The following SCGN variants were observed in gnomAD, a reference collection of about 807,000 sequenced individuals.
SCGN encodes secretagogin.
In SCGN, 30 loss-of-function variants were observed where a neutral mutation model predicts 39.7. The observed-to-expected ratio is 0.76, with a 90% CI of 0.57 to 1.03. The LOEUF (loss-of-function observed/expected upper bound fraction) is 1.03. Ranked by LOEUF, SCGN falls within the 50% of genes least tolerant of loss-of-function variation. The probability of loss-of-function intolerance (pLI) is 0.00; values close to 1 mark genes in which losing one functional copy is unlikely to be tolerated. For missense variants in SCGN, 353 were observed against 349.4 expected (o/e 1.01, Z -0.08); for synonymous variants, 106 against 114.1 (o/e 0.93, Z 0.45).
intron 5 of SCGN, 108 bp downstream of exon 5, chr6:25,669,675 G>T: frequency 2.2e-6 from 2 of 919,704 alleles, no homozygotes; most frequent in South Asian, 2.8e-5. Context: ...TTGAATATGT[G>T]ACTCAAAAAA....
At chr6:25,654,533 C>G (rs920274577) in intron 2 of SCGN, among the ~76,000 whole-genome samples, 1 of 152,090 alleles carries the variant, frequency 6.6e-6, no homozygotes. Flanking sequence ...TTGCCTTTCT[C>G]TCTGACCTCT....
intron 6 of SCGN, among the ~76,000 whole-genome samples, chr6:25,675,554 C>T (rs966863420): frequency 3.9e-5 from 6 of 152,224 alleles, no homozygotes; most frequent in Admixed American, 6.5e-5. Context: ...GGACGTGAGT[C>T]GGCTGGCCTG....
At chr6:25,665,747 A>C (rs1025139408) in intron 4 of SCGN, among the ~76,000 whole-genome samples, 1 of 152,246 alleles carries the variant, frequency 6.6e-6, no homozygotes, top group Non-Finnish European at 1.5e-5. Flanking sequence ...TTAGGAGATA[A>C]AAAGTTTTGC....
chr6:25,668,868 T>C (rs1759442176), intron 4 of SCGN, among the ~76,000 whole-genome samples: 1 of 152,140 alleles, frequency 6.6e-6, no homozygotes, highest in South Asian at 2.1e-4. Context: ...TCCCAGCACT[T>C]TGGGAGGCCG....
intron 2 of SCGN, among the ~76,000 whole-genome samples, chr6:25,657,940 T>A (rs1760256435): frequency 1.3e-5 from 2 of 149,936 alleles, no homozygotes; most frequent in African/African-American, 4.9e-5. Context: ...ATGCTTTGGT[T>A]CCAAATCACT....
intron 6 of SCGN, among the ~76,000 whole-genome samples, chr6:25,671,582 G>C (rs1007026278): frequency 6.6e-6 from 1 of 152,208 alleles, no homozygotes; most frequent in African/African-American, 2.4e-5. Context: ...GTGTTGATTT[G>C]TTTTAATAGC....
intron 2 of SCGN, among the ~76,000 whole-genome samples, chr6:25,656,432 C>T (rs1262055857): frequency 1.3e-5 from 2 of 152,174 alleles, no homozygotes; most frequent in Non-Finnish European, 2.9e-5. Flanking sequence ...CTTGTAATTA[C>T]CTATTCCTCA....
intron 7 of SCGN, among the ~76,000 whole-genome samples, chr6:25,684,737 G>T (rs1759681866): frequency 6.6e-6 from 1 of 152,142 alleles, no homozygotes; most frequent in Non-Finnish European, 1.5e-5. Flanking sequence ...TTGAACTCAG[G>T]AGGCAGAGTT....
chr6:25,673,452 C>A (rs576767736), intron 6 of SCGN, among the ~76,000 whole-genome samples: 1 of 152,322 alleles, frequency 6.6e-6, no homozygotes, highest in Admixed American at 6.5e-5. Context: ...ATTAAAGAAG[C>A]TTCAGGCTGG....
chr6:25,693,237 G>A (rs184006388), intron 10 of SCGN, among the ~76,000 whole-genome samples: 12 of 152,092 alleles, frequency 7.9e-5, no homozygotes, highest in African/African-American at 2.7e-4. Flanking sequence ...GGATCACGAG[G>A]TCAGGAGATC....
chr6:25,659,049 T>C (rs1456546785), intron 2 of SCGN, among the ~76,000 whole-genome samples: 1 of 152,220 alleles, frequency 6.6e-6, no homozygotes, highest in African/African-American at 2.4e-5. Flanking sequence ...ACATTTGCTA[T>C]GCACCCACCT....
chr6:25,653,568 A>T, intron 2 of SCGN, 116 bp downstream of exon 2: 1 of 732,160 alleles, frequency 1.4e-6, no homozygotes, highest in East Asian at 2.7e-5. Flanking sequence ...CCTTGCATGT[A>T]TGTAATTTCT....
chr6:25,657,906 C>A (rs923985322), intron 2 of SCGN, among the ~76,000 whole-genome samples: 5 of 149,698 alleles, frequency 3.3e-5, no homozygotes, highest in African/African-American at 1.2e-4. Context: ...ATGATACAGG[C>A]ATTATCTCTC....
intron 2 of SCGN, among the ~76,000 whole-genome samples, chr6:25,656,698 G>A (rs1760233731): frequency 6.6e-6 from 1 of 152,148 alleles, no homozygotes; most frequent in Admixed American, 6.6e-5. Flanking sequence ...AACAGAGGAA[G>A]CCCCAGTTTC....
At chr6:25,689,108 A>G (rs1561769339) in intron 7 of SCGN, 64 bp from the exon 8 acceptor site, 3 of 1,177,280 alleles carry the variant, frequency 2.5e-6, no homozygotes, top group Non-Finnish European at 3.7e-6. Flanking sequence ...CACCAGGGCT[A>G]TAAGTTTTCG....
At position 25,675,925 on chromosome 6, in the gene SCGN, C is replaced by T. The variant is rs150770998; in HGVS notation, c.471+5849C>T. On this transcript the variant is annotated intron_variant, in intron 6 of 10. Coordinates refer to ENST00000377961, the MANE Select transcript of SCGN (RefSeq NM_006998.4). Reference sequence around the variant, plus strand: ...TCTGATTCAGACCACTTCTCTAAACCTCTTGGATACACTTAGTTGTGTATC... The same window carrying T: ...TCTGATTCAGACCACTTCTCTAAACTTCTTGGATACACTTAGTTGTGTATC... Among the ~76,000 whole-genome samples the T allele has an allele frequency of 1.0e-3, 152 of 152,306 alleles. 1 individual carries two copies. The highest frequency in any genetic ancestry group is 1.3e-3 in the Admixed American group (20 of 15,310).
Position 25,659,881 on chromosome 6 carries a change from A to G in SCGN, c.154-1671A>G, listed in dbSNP as rs551733467. Among the ~76,000 whole-genome samples, 20 of 152,300 alleles carry G rather than the reference A, an allele frequency of 1.3e-4. 1 individual carries two copies. The South Asian group carries it at 4.1e-3, about 32-fold the overall frequency. ...GTTCTTTGCCATATGCAAGAGGTCAACTGAAAAGATGACAGCCTGATGGGA... is the reference window on the plus strand; with the variant it reads ...GTTCTTTGCCATATGCAAGAGGTCAGCTGAAAAGATGACAGCCTGATGGGA... On this transcript the variant is annotated intron_variant, in intron 2 of 10. Coordinates refer to ENST00000377961, the MANE Select transcript of SCGN (RefSeq NM_006998.4).
chr6:25,671,120 G>T (rs1331593339), intron 6 of SCGN, among the ~76,000 whole-genome samples: 1 of 152,156 alleles, frequency 6.6e-6, no homozygotes, highest in Non-Finnish European at 1.5e-5. Flanking sequence ...GTTAAAATGT[G>T]TACCACCAGG....
At chr6:25,689,334 CAG>C in intron 8 of SCGN, 117 bp downstream of exon 8, 1 of 1,146,276 alleles carries the variant, frequency 8.7e-7, no homozygotes, top group Admixed American at 2.0e-5. Flanking sequence ...ATTTAGAAAA[CAG>C]ACAAGGATCA....
Sources: allele counts gnomAD v4.1 joint callset (sites outside exome capture counted in the v4.1 genomes callset), GRCh38; gene constraint gnomAD v4.1.1; transcripts MANE v1.5; gene names NCBI Gene and HGNC (gene_info 2026-07-23, HGNC 2026-07-21).